The following ARHGAP10 variants were observed in gnomAD, a reference collection of about 807,000 sequenced individuals.
ARHGAP10 encodes rho GTPase-activating protein 10.
ARHGAP10 carries 87 observed loss-of-function variants against 108.6 expected under a neutral mutation model. The observed-to-expected ratio is 0.80, with a 90% CI of 0.67 to 0.96. The LOEUF (loss-of-function observed/expected upper bound fraction) is 0.96, where lower values mean the gene tolerates loss of function less well. Ranked by LOEUF, ARHGAP10 falls within the 40% of genes least tolerant of loss-of-function variation. The pLI is 0.00. For synonymous variants in ARHGAP10, 347 were observed against 341.1 expected (o/e 1.02, Z -0.19); for missense variants, 939 against 954.5 (o/e 0.98, Z 0.21).
At chr4:147,914,239 G>C (rs1457454715) in intron 13 of ARHGAP10, among the ~76,000 whole-genome samples, 1 of 152,228 alleles carries the variant, frequency 6.6e-6, no homozygotes, top group Non-Finnish European at 1.5e-5. Flanking sequence ...GTTTTGAATT[G>C]AAAACATACA....
intron 13 of ARHGAP10, among the ~76,000 whole-genome samples, chr4:147,937,927 C>T (rs1386432901): frequency 7.2e-5 from 11 of 152,102 alleles, no homozygotes; most frequent in African/African-American, 1.9e-4. Flanking sequence ...TGCAGTGAGC[C>T]GAGATTGCTC....
At chr4:147,747,838 A>G (rs1273197983) in intron 1 of ARHGAP10, among the ~76,000 whole-genome samples, 1 of 152,210 alleles carries the variant, frequency 6.6e-6, no homozygotes, top group African/African-American at 2.4e-5. Flanking sequence ...ACTGAAGACT[A>G]AAGACCTTTC....
chr4:147,816,540 G>A (rs899656899), intron 1 of ARHGAP10, among the ~76,000 whole-genome samples: 1 of 152,174 alleles, frequency 6.6e-6, no homozygotes, highest in African/African-American at 2.4e-5. Flanking sequence ...GGCCAGGAAT[G>A]CTTTACCAGA....
chr4:148,057,068 G>A (rs1434526143), intron 20 of ARHGAP10, among the ~76,000 whole-genome samples: 1 of 152,164 alleles, frequency 6.6e-6, no homozygotes, highest in African/African-American at 2.4e-5. Flanking sequence ...GGCTAATGAT[G>A]GCAACTGTGG....
chr4:148,059,143 G>A (rs909737412), intron 20 of ARHGAP10, among the ~76,000 whole-genome samples: 1 of 152,196 alleles, frequency 6.6e-6, no homozygotes, highest in African/African-American at 2.4e-5. Flanking sequence ...TTGGCCTTCC[G>A]TGCTGAAGAT....
intron 18 of ARHGAP10, among the ~76,000 whole-genome samples, chr4:148,009,137 C>CTT (rs918485475): frequency 6.9e-6 from 1 of 144,690 alleles, no homozygotes; most frequent in Non-Finnish European, 1.5e-5. Context: ...TCTTTTTTCT[C>CTT]TTTTTTTTTT....
chr4:147,927,310 CT>C (rs1346551234), intron 13 of ARHGAP10, among the ~76,000 whole-genome samples: 2 of 152,084 alleles, frequency 1.3e-5, no homozygotes, highest in Admixed American at 1.3e-4. Flanking sequence ...TTAGACCTGC[CT>C]TTTTTCCATA....
chr4:147,878,642 T>C, intron 8 of ARHGAP10, among the ~76,000 whole-genome samples: 1 of 152,252 alleles, frequency 6.6e-6, no homozygotes, highest in East Asian at 1.9e-4. Flanking sequence ...AGCTTACAAT[T>C]AAGAGATTTT....
At chr4:147,879,177 C>G in intron 8 of ARHGAP10, 55 bp from the exon 9 acceptor site, 1 of 1,471,448 alleles carries the variant, frequency 6.8e-7, no homozygotes, top group Non-Finnish European at 9.4e-7. Flanking sequence ...GTTTATAGCT[C>G]TGCAAATCTG....
At chr4:147,933,558 G>T (rs1257784528) in intron 13 of ARHGAP10, among the ~76,000 whole-genome samples, 1 of 152,214 alleles carries the variant, frequency 6.6e-6, no homozygotes, top group African/African-American at 2.4e-5. Flanking sequence ...AGCTGTCTCA[G>T]CACTAGAGGA....
chr4:147,961,812 G>A (rs907721336), intron 16 of ARHGAP10, among the ~76,000 whole-genome samples: 1 of 152,078 alleles, frequency 6.6e-6, no homozygotes, highest in Non-Finnish European at 1.5e-5. Flanking sequence ...TCCACTGGCT[G>A]TGCCCAGCCT....
At chr4:147,939,994 T>C in intron 14 of ARHGAP10, 95 bp downstream of exon 14, 1 of 1,184,930 alleles carries the variant, frequency 8.4e-7, no homozygotes, top group Non-Finnish European at 1.2e-6. Flanking sequence ...AGAATACTTG[T>C]CATTCCATTC....
At chr4:147,905,042 G>A (rs1444884450) in intron 10 of ARHGAP10, among the ~76,000 whole-genome samples, 9 of 152,122 alleles carry the variant, frequency 5.9e-5, no homozygotes, top group Admixed American at 5.2e-4. Context: ...TTTGAGAAGT[G>A]TCTGTTCATA....
intron 1 of ARHGAP10, among the ~76,000 whole-genome samples, chr4:147,736,130 G>A (rs1347566580): frequency 6.6e-6 from 1 of 151,070 alleles, no homozygotes; most frequent in African/African-American, 2.5e-5. Flanking sequence ...CTGTGTGTGT[G>A]TGTGTGTGTG....
chr4:148,020,015 G>T (rs184485966), intron 18 of ARHGAP10, among the ~76,000 whole-genome samples: 129 of 152,262 alleles, frequency 8.5e-4, no homozygotes, highest in Non-Finnish European at 1.7e-3. Flanking sequence ...ATGTGTAATA[G>T]TTGAGTATCC....
intron 1 of ARHGAP10, among the ~76,000 whole-genome samples, chr4:147,773,991 A>C (rs769932541): frequency 6.6e-6 from 1 of 152,192 alleles, no homozygotes; most frequent in African/African-American, 2.4e-5. Context: ...TGGGTGAGTC[A>C]TTCCTGGCTC....
At chr4:148,003,025 C>A (rs1740791534) in intron 18 of ARHGAP10, among the ~76,000 whole-genome samples, 2 of 152,160 alleles carry the variant, frequency 1.3e-5, no homozygotes, top group South Asian at 2.1e-4. Flanking sequence ...AATTTTAGAT[C>A]TTTCCTGCTT....
intron 13 of ARHGAP10, among the ~76,000 whole-genome samples, chr4:147,920,786 G>A (rs1737204414): frequency 6.6e-6 from 1 of 152,238 alleles, no homozygotes; most frequent in Non-Finnish European, 1.5e-5. Flanking sequence ...GATGTTAATT[G>A]AGGACTGTCT....
rs539015701 is a variant in ARHGAP10 at position 147,977,802 on chromosome 4, T to C, written c.1716+10963T>C. Among the ~76,000 whole-genome samples the C allele has an allele frequency of 1.6e-3, 248 of 152,230 alleles. 1 individual carries two copies. The highest frequency in any genetic ancestry group is 5.3e-3 in the African/African-American group (219 of 41,536). On this transcript the variant is annotated intron_variant, in intron 18 of 22. Coordinates refer to ENST00000336498, the MANE Select transcript of ARHGAP10 (RefSeq NM_024605.4). ...AGGAAGTTTTTCCACCCTTTCTCTC[T>C]CTCTCCCCCTCCCCCTCCCCTTTTG...
Sources: gnomAD v4.1 joint callset for allele counts (sites outside exome capture counted in the v4.1 genomes callset) on GRCh38, gnomAD v4.1.1 for gene constraint, MANE v1.5 for transcripts, NCBI Gene and HGNC (gene_info 2026-07-23, HGNC 2026-07-21) for gene names.